Variants in GHR observed in about 807,000 individuals in gnomAD.
GHR encodes the protein GH receptor.
Under a neutral mutation model 67.1 loss-of-function variants are expected in GHR, and 35 were observed. The observed-to-expected ratio is 0.52, with a 90% confidence interval of 0.40 to 0.69. The LOEUF is 0.69. Among genes scored for constraint, GHR ranks in the 30% least tolerant of loss-of-function variants. The probability of loss-of-function intolerance (pLI) is 0.00; values close to 1 mark genes in which losing one functional copy is unlikely to be tolerated. For synonymous variants in GHR, 272 were observed against 269.1 expected (o/e 1.01, Z -0.10); for missense variants, 792 against 764.6 (o/e 1.04, Z -0.42).
At chr5:42,476,307 G>A (rs566237767) in intron 1 of GHR, among the ~76,000 whole-genome samples, 113 of 149,916 alleles carry the variant, frequency 7.5e-4, no homozygotes, top group African/African-American at 2.5e-3. Flanking sequence ...TGCAACCTCC[G>A]CTCCCAGGTT....
At chr5:42,634,506 T>C (rs1311365690) in intron 3 of GHR, among the ~76,000 whole-genome samples, 2 of 146,266 alleles carry the variant, frequency 1.4e-5, no homozygotes, top group Non-Finnish European at 3.0e-5. Context: ...ATTTCACGGA[T>C]GGTTATTGAA....
chr5:42,534,329 TG>T (rs1748142580), intron 1 of GHR, among the ~76,000 whole-genome samples: 1 of 141,990 alleles, frequency 7.0e-6, no homozygotes, highest in Non-Finnish European at 1.5e-5. Flanking sequence ...TATGTACATG[TG>T]TATATGTGTA....
intron 1 of GHR, chr5:42,514,335 G>A: frequency 1.2e-6 from 1 of 806,254 alleles, no homozygotes; most frequent in South Asian, 5.5e-5. Context: ...CCCTTGTTGA[G>A]ATCTCCAGCC....
At chr5:42,664,577 T>C (rs9717120) in intron 3 of GHR, among the ~76,000 whole-genome samples, 125,990 of 152,000 alleles carry the variant, frequency 0.83, 52,465 homozygotes, top group East Asian at 1. Context: ...TCCTTACACC[T>C]TATACAAAAA....
intron 8 of GHR, among the ~76,000 whole-genome samples, chr5:42,715,854 T>G (rs944522339): frequency 6.6e-6 from 1 of 152,204 alleles, no homozygotes; most frequent in African/African-American, 2.4e-5. Context: ...CTATCCTATT[T>G]GGGATTGGCT....
rs200133063 is a variant in GHR at position 42,676,282 on chromosome 5, T to TA, written c.137-12598dup. ...CTTGGTGACAGAGCGAGACTCCATA[T>TA]AAAAAAAAAAGGAAGAAATTAATAG... On this transcript the variant is annotated intron_variant, in intron 3 of 9. Coordinates refer to ENST00000230882, the MANE Select transcript of GHR (RefSeq NM_000163.5). Among the ~76,000 whole-genome samples the TA allele has an allele frequency of 2.0e-4, 30 of 147,484 alleles. 1 individual carries two copies. The highest frequency in any genetic ancestry group is 4.3e-4 in the South Asian group (2 of 4,680).
At chr5:42,443,619 T>C (rs545292897) in intron 1 of GHR, among the ~76,000 whole-genome samples, 1 of 152,210 alleles carries the variant, frequency 6.6e-6, no homozygotes, top group South Asian at 2.1e-4. Flanking sequence ...AGGGTGTGTG[T>C]GTGTGTGTGT....
intron 2 of GHR, among the ~76,000 whole-genome samples, chr5:42,601,800 C>T (rs1752388663): frequency 6.6e-6 from 1 of 151,914 alleles, no homozygotes; most frequent in East Asian, 1.9e-4. Flanking sequence ...TCTTTTCTTC[C>T]TTATCTTTCA....
rs759784241 is a variant in GHR, at chr5:42,699,905, G to A, written c.521G>A (p.Arg174Lys). ...LTGIHADIQV[R>K]WEAPRNADIQ... ...GGGATTCATGCAGATATCCAAGTGA[G>A]ATGGGAAGCACCACGCAATGCAGAT... Residue 174 changes from arginine (R) to lysine (K), a missense_variant, in exon 6 of 10, where the codon AGA (arginine) becomes AAA (lysine). Arg to Lys is a conservative substitution (Grantham distance 26). Coordinates refer to ENST00000230882, the MANE Select transcript of GHR (RefSeq NM_000163.5). 15 of 1,601,322 alleles carry A rather than the reference G, an allele frequency of 9.4e-6. 1 individual carries two copies. In the South Asian group the frequency reaches 1.3e-4, roughly 14 times the overall value.
Position 42,630,689 on chromosome 5 carries a change from T to C in GHR, c.136+1586T>C, listed in dbSNP as rs979591074. Among the ~76,000 whole-genome samples the C allele has an allele frequency of 1.5e-5, 2 of 131,950 alleles. 1 individual carries two copies. Among genetic ancestry groups the C allele is most frequent in the African/African-American group, 6.4e-5 (2 of 31,314 alleles). The allele number at this position is 131,950 out of a possible 152,430, so 86.6% of individuals were successfully genotyped here. On this transcript the variant is annotated intron_variant, in intron 3 of 9. Transcript: ENST00000230882. ...GGTTCTGTTTGGGTTTCCCAGCCAG[T>C]ATATTCCAAAGCCTTTTTTCACTCA... is the stretch of plus-strand genomic sequence containing the variant.
At chr5:42,486,846 CAAAAAAA>C (rs367995012) in intron 1 of GHR, among the ~76,000 whole-genome samples, 1 of 58,114 alleles carries the variant, frequency 1.7e-5, no homozygotes, top group South Asian at 5.6e-4. Flanking sequence ...GACTCCGTCT[CAAAAAAA>C]AAAAAAAAAA....
intron 1 of GHR, among the ~76,000 whole-genome samples, chr5:42,444,263 T>G (rs1424525524): frequency 6.6e-6 from 1 of 152,190 alleles, no homozygotes; most frequent in African/African-American, 2.4e-5. Flanking sequence ...TTGTAACACT[T>G]AGAATAGTCC....
chr5:42,663,801 A>G (rs138006922), intron 3 of GHR, among the ~76,000 whole-genome samples: 10,110 of 152,254 alleles, frequency 0.066, 400 homozygotes, highest in Middle Eastern at 0.15. Flanking sequence ...GAGGAAGTCA[A>G]CTTGTCCCTG....
chr5:42,503,270 G>A (rs1746618899), intron 1 of GHR, among the ~76,000 whole-genome samples: 1 of 152,160 alleles, frequency 6.6e-6, no homozygotes, highest in Admixed American at 6.5e-5. Flanking sequence ...CTTAGAGGAT[G>A]ATCTCATTCA....
At position 42,711,521 on chromosome 5, in the gene GHR, A is replaced by G; in HGVS notation, c.784+149A>G. The stretch of plus-strand genomic sequence containing the variant: ...AGAGACCTTGAGCTCACTATCTGTA[A>G]CAGATATTGTTCATTGCAAAAGCAG... On this transcript the variant is annotated intron_variant, in intron 7 of 9. Coordinates refer to ENST00000230882, the MANE Select transcript of GHR (RefSeq NM_000163.5). 5.8e-6 allele frequency: 4 copies of G among 689,934 alleles called. No homozygotes were observed. In the South Asian group the frequency reaches 6.4e-5, roughly 11 times the overall value. The allele number at this position is 689,934 out of a possible 1,614,324, so 42.7% of individuals were successfully genotyped here. A position where few individuals can be genotyped will look rare whatever the true frequency, so the allele number is the denominator to read the frequency against.
At chr5:42,433,732 ATTTTTTTTTTTT>A (rs35539827) in intron 1 of GHR, among the ~76,000 whole-genome samples, 10 of 77,586 alleles carry the variant, frequency 1.3e-4, no homozygotes, top group African/African-American at 5.4e-5. Context: ...AAGATATGGT[ATTTTTTTTTTTT>A]TTTTTTTTTT....
At chr5:42,708,233 A>C (rs987159633) in intron 6 of GHR, among the ~76,000 whole-genome samples, 1 of 152,198 alleles carries the variant, frequency 6.6e-6, no homozygotes, top group Non-Finnish European at 1.5e-5. Context: ...AAAGTTTATT[A>C]AAATATTCCT....
chr5:42,680,862 T>TA (rs397717193), intron 3 of GHR, among the ~76,000 whole-genome samples: 1 of 151,390 alleles, frequency 6.6e-6, no homozygotes, highest in African/African-American at 2.4e-5. Flanking sequence ...TATTTTTTTT[T>TA]ATTATACTTT....
intron 1 of GHR, among the ~76,000 whole-genome samples, chr5:42,556,014 C>T (rs1384867649): frequency 6.6e-6 from 1 of 152,030 alleles, no homozygotes; most frequent in Non-Finnish European, 1.5e-5. Flanking sequence ...GGATTGCTGA[C>T]TCCTCCTCTA....
Sources: gnomAD v4.1 joint callset for allele counts (sites outside exome capture counted in the v4.1 genomes callset) on GRCh38, gnomAD v4.1.1 for gene constraint, MANE v1.5 for transcripts, NCBI Gene and HGNC (gene_info 2026-07-23, HGNC 2026-07-21) for gene names.